The following XPR1 variants were observed in gnomAD, a reference collection of about 807,000 sequenced individuals.
XPR1 encodes the protein solute carrier family 53 member 1.
A neutral mutation model predicts 87.5 loss-of-function variants in XPR1; 28 were observed. That is an observed-to-expected ratio of 0.32 (90% CI 0.24 to 0.44). The LOEUF is 0.44. XPR1 is among the 20% of genes least tolerant of loss of function. XPR1 has a pLI of 1.00. For missense variants in XPR1, 559 were observed against 862.3 expected, an observed-to-expected ratio of 0.65 and a Z score of 4.41; for synonymous variants, 300 against 306.1, an observed-to-expected ratio of 0.98 and a Z score of 0.21.
At chr1:180,687,546 C>T (rs1656826094) in intron 2 of XPR1, among the ~76,000 whole-genome samples, 3 of 151,950 alleles carry the variant, frequency 2.0e-5, no homozygotes, top group East Asian at 1.9e-4. Flanking sequence ...CAGGGTGGTA[C>T]CTTTACTTCA....
chr1:180,863,119 C>G (rs1220946391), intron 11 of XPR1, among the ~76,000 whole-genome samples: 1 of 152,080 alleles, frequency 6.6e-6, no homozygotes, highest in Non-Finnish European at 1.5e-5. Flanking sequence ...AAATATCATA[C>G]TTTGCTTTGT....
intron 7 of XPR1, among the ~76,000 whole-genome samples, chr1:180,812,226 T>C (rs1650243617): frequency 6.6e-6 from 1 of 152,194 alleles, no homozygotes; most frequent in Admixed American, 6.5e-5. Context: ...TACTTTTCTT[T>C]GTGACATCAA....
At chr1:180,838,132 C>G (rs955137863) in intron 11 of XPR1, among the ~76,000 whole-genome samples, 4 of 152,106 alleles carry the variant, frequency 2.6e-5, no homozygotes, top group Admixed American at 1.3e-4. Flanking sequence ...GGTCTATTAA[C>G]ACATATTTGG....
intron 13 of XPR1, among the ~76,000 whole-genome samples, chr1:180,877,141 T>A (rs939333339): frequency 6.6e-6 from 1 of 152,204 alleles, no homozygotes; most frequent in Admixed American, 6.5e-5. Context: ...AGGAATAGGT[T>A]TAATTAAAGC....
intron 1 of XPR1, among the ~76,000 whole-genome samples, chr1:180,674,853 C>A (rs1226886313): frequency 1.3e-5 from 2 of 152,134 alleles, no homozygotes; most frequent in African/African-American, 2.4e-5. Context: ...TATAGCCATT[C>A]CAAGCTAAAA....
At chr1:180,741,158 G>A (rs1469126320) in intron 2 of XPR1, among the ~76,000 whole-genome samples, 1 of 152,012 alleles carries the variant, frequency 6.6e-6, no homozygotes, top group Admixed American at 6.6e-5. Flanking sequence ...AGTTATCTGC[G>A]TCTAGAGATT....
At chr1:180,666,672 C>T (rs1350624547) in intron 1 of XPR1, among the ~76,000 whole-genome samples, 2 of 152,146 alleles carry the variant, frequency 1.3e-5, no homozygotes, top group Admixed American at 6.6e-5. Flanking sequence ...TCCCACTTTG[C>T]GTCAGCTTTG....
intron 1 of XPR1, among the ~76,000 whole-genome samples, chr1:180,675,434 A>G (rs1656336097): frequency 2.0e-5 from 3 of 152,210 alleles, no homozygotes; most frequent in African/African-American, 7.2e-5. Flanking sequence ...CTATCTGCCG[A>G]GGAACAAAAG....
intron 2 of XPR1, among the ~76,000 whole-genome samples, chr1:180,690,875 T>G (rs1010060480): frequency 1.3e-5 from 2 of 151,696 alleles, no homozygotes; most frequent in Middle Eastern, 3.2e-3. Context: ...AATGTACTGT[T>G]TATAAAAAAA....
Position 180,873,868 on chromosome 1 carries a change from G to T in XPR1, c.1734G>T (p.Ser578=). The T allele has an allele frequency of 6.2e-7, 1 of 1,614,062 alleles. No homozygotes were observed. The highest frequency in any genetic ancestry group is 8.5e-7 in the Non-Finnish European group (1 of 1,180,004). The change falls in exon 13 of 15, where the codon TCG becomes TCT. Residue 578 remains serine (S), a synonymous_variant. Coordinates refer to ENST00000367590, the MANE Select transcript of XPR1 (RefSeq NM_004736.4). ...ILRFAWTIQI[S]ITSTTLLPHS... is the part of the protein sequence containing the mutation. ...GCTTTGCTTGGACTATCCAAATCTC[G>T]ATTACCTCTACAACTTTGTTGCCTC...
intron 2 of XPR1, among the ~76,000 whole-genome samples, chr1:180,748,909 A>AT (rs1384820247): frequency 6.6e-6 from 1 of 152,238 alleles, no homozygotes; most frequent in East Asian, 1.9e-4. Flanking sequence ...GATTTAAGAA[A>AT]TTAACAAAAC....
At chr1:180,713,620 T>C (rs903726538) in intron 2 of XPR1, among the ~76,000 whole-genome samples, 4 of 152,210 alleles carry the variant, frequency 2.6e-5, no homozygotes, top group African/African-American at 9.6e-5. Flanking sequence ...GCTTTTTTCA[T>C]ATTTATTGAG....
Position 180,884,135 on chromosome 1 carries a change from C to T in XPR1, c.*69C>T. 1 of 1,425,570 alleles carries T rather than the reference C, an allele frequency of 7.0e-7. No homozygotes were observed. Among genetic ancestry groups the T allele is most frequent in the Non-Finnish European group, 9.7e-7 (1 of 1,026,116 alleles). The allele number at this position is 1,425,570 out of a possible 1,614,324, so 88.3% of individuals were successfully genotyped here. A position where few individuals can be genotyped will look rare whatever the true frequency, so the allele number is the denominator to read the frequency against. On this transcript the variant is annotated 3_prime_UTR_variant, in exon 15 of 15. Coordinates refer to ENST00000367590, the MANE Select transcript of XPR1 (RefSeq NM_004736.4). Reference sequence around the variant, plus strand: ...CAATCCTTTCCTCGACCAACGCAACCTCTAGTACCTTTCCAGCCGAAAACA... The same window carrying T: ...CAATCCTTTCCTCGACCAACGCAACTTCTAGTACCTTTCCAGCCGAAAACA...
At position 180,880,285 on chromosome 1, in the gene XPR1, G is replaced by T. The variant is rs368909346; in HGVS notation, c.2018G>T (p.Arg673Leu). The T allele has an allele frequency of 3.1e-6, 5 of 1,614,152 alleles. No homozygotes were observed. Among genetic ancestry groups the T allele is most frequent in the Middle Eastern group, 1.7e-4 (1 of 6,058 alleles). ...CAGAGCATATCCCTGCGCCGGCCTC[G>T]CCTCGCTTCTCAGTATGTATGGCTT... is the stretch of plus-strand genomic sequence containing the variant. ...YNQSISLRRP[R>L]LASQSKARDT... Residue 673 changes from arginine to leucine, a missense_variant, in exon 14 of 15, where the codon CGC becomes CTC. Physicochemically the swap from Arg to Leu is moderately radical, Grantham distance 102 (BLOSUM62 -2). Around this residue, in one of 7 missense-constraint regions of XPR1, gnomAD observed 80 missense variants for 99.5 expected, o/e 0.80. Transcript: ENST00000367590.
At chr1:180,773,123 G>A (rs1446739029) in intron 2 of XPR1, among the ~76,000 whole-genome samples, 1 of 152,128 alleles carries the variant, frequency 6.6e-6, no homozygotes, top group Non-Finnish European at 1.5e-5. Flanking sequence ...AATATGCTCA[G>A]GGTTATGTTG....
chr1:180,773,106 T>C (rs1188422897), intron 2 of XPR1, among the ~76,000 whole-genome samples: 1 of 152,136 alleles, frequency 6.6e-6, no homozygotes, highest in Non-Finnish European at 1.5e-5. Context: ...AATCATTTAA[T>C]GTGTTGAATA....
In XPR1 at chr1:180,803,580, A is replaced by G; in HGVS notation, c.416A>G (p.Tyr139Cys). 6.2e-7 allele frequency: 1 copy of G among 1,612,902 alleles called. No individual in the cohort carries two copies. The highest frequency in any genetic ancestry group is 8.5e-7 in the Non-Finnish European group (1 of 1,179,890). Residue 139 changes from tyrosine to cysteine, a missense_variant, in exon 4 of 15, where the codon TAC becomes TGC. Transcript: ENST00000367590. ...KDLKLAFSEFYLSLILLQNYQ... is the reference protein window; with the variant it reads ...KDLKLAFSEFCLSLILLQNYQ... ...CTTAAACTGGCCTTCAGTGAGTTCT[A>G]CCTCAGTCTAATCCTGCTGCAGAAC...
At chr1:180,807,531 A>G (rs1480687649) in intron 6 of XPR1, among the ~76,000 whole-genome samples, 1 of 152,220 alleles carries the variant, frequency 6.6e-6, no homozygotes, top group African/African-American at 2.4e-5. Flanking sequence ...TGAAAACTAC[A>G]AAACACTGCT....
rs1652801636 is a variant in XPR1 at position 180,880,147 on chromosome 1, G to A, written c.1880G>A (p.Arg627Gln). The A allele has an allele frequency of 1.2e-6, 2 of 1,614,154 alleles. No individual in the cohort carries two copies. The highest frequency in any genetic ancestry group is 1.7e-6 in the Non-Finnish European group (2 of 1,180,032). Residue 627 changes from arginine (R) to glutamine (Q), a missense_variant, in exon 14 of 15, where the codon CGG (arginine) becomes CAG (glutamine). Arg to Gln is a conservative substitution (Grantham distance 43, BLOSUM62 1). Around this residue, in one of 7 missense-constraint regions of XPR1, gnomAD observed 80 missense variants for 99.5 expected, o/e 0.80. Coordinates refer to ENST00000367590, the MANE Select transcript of XPR1 (RefSeq NM_004736.4). ...AACTGTGGTGAATTCCGTGCTGTGC[G>A]GGACATCTCTGTGGCCCCCCTGAAC... ...LNNCGEFRAV[R>Q]DISVAPLNAD...
Sources: allele counts gnomAD v4.1 joint callset (sites outside exome capture counted in the v4.1 genomes callset), GRCh38; gene constraint gnomAD v4.1.1; regional missense constraint gnomAD v4.1.1; transcripts MANE v1.5; gene names NCBI Gene and HGNC (gene_info 2026-07-23, HGNC 2026-07-21).